The following NCKAP5 variants were observed in gnomAD, a reference collection of about 807,000 sequenced individuals.
NCKAP5 encodes the protein NCK associated protein 5.
In NCKAP5, 92 loss-of-function variants were observed where a neutral mutation model predicts 167.0. That is an observed-to-expected ratio of 0.55 (90% CI 0.47 to 0.66). NCKAP5 has a LOEUF of 0.66. NCKAP5 is among the 30% of genes least tolerant of loss of function. The pLI is 0.00. For missense variants in NCKAP5, 2,378 were observed against 2,315.0 expected (o/e 1.03, Z -0.56); for synonymous variants, 891 against 877.4 (o/e 1.02, Z -0.27).
At chr2:133,555,767 G>A (rs1007972038) in intron 2 of NCKAP5, among the ~76,000 whole-genome samples, 1 of 152,114 alleles carries the variant, frequency 6.6e-6, no homozygotes, top group Admixed American at 6.5e-5. Context: ...AATTACACAA[G>A]CACTCTTAAC....
intron 19 of NCKAP5, among the ~76,000 whole-genome samples, chr2:132,712,970 C>T (rs2566520): frequency 0.64 from 97,126 of 151,956 alleles, 31,177 homozygotes; most frequent in East Asian, 0.86. Context: ...GGTACAGCCA[C>T]ACAATGTAGC....
chr2:133,174,803 G>T (rs2084390869), intron 5 of NCKAP5, among the ~76,000 whole-genome samples: 1 of 151,042 alleles, frequency 6.6e-6, no homozygotes, highest in South Asian at 2.1e-4. Flanking sequence ...TAGAAACCAA[G>T]ATTGGTCTCT....
intron 1 of NCKAP5, among the ~76,000 whole-genome samples, chr2:133,560,430 C>T (rs558032655): frequency 2.8e-4 from 43 of 152,084 alleles, no homozygotes; most frequent in Non-Finnish European, 4.6e-4. Flanking sequence ...TTTAATTATA[C>T]GGGTGATAAG....
At chr2:133,124,781 T>C (rs2082349742) in intron 6 of NCKAP5, among the ~76,000 whole-genome samples, 1 of 152,204 alleles carries the variant, frequency 6.6e-6, no homozygotes. Flanking sequence ...AAACTGGGCC[T>C]GGCATGGTGG....
At chr2:133,503,724 A>G (rs1432284) in intron 3 of NCKAP5, among the ~76,000 whole-genome samples, 30,398 of 152,180 alleles carry the variant, frequency 0.2, 3,615 homozygotes, top group East Asian at 0.42. Flanking sequence ...CTCCTATTAT[A>G]CTAAGACTCA....
rs150860177 is a variant in NCKAP5 at position 132,753,450 on chromosome 2, T to C, written c.5128+20366A>G. ...TATGGAAATGGTCTGAGAACAATTC[T>C]AAATCCATTTCCCAGATGAGGCAAA... On this transcript the variant is annotated intron_variant, in intron 16 of 19. Transcript: ENST00000409261. 5.9e-5 allele frequency among the ~76,000 whole-genome samples: 9 copies of C among 152,320 alleles called. No individual in the cohort carries two copies. In the South Asian group the frequency reaches 1.0e-3, roughly 18 times the overall value.
intron 6 of NCKAP5, among the ~76,000 whole-genome samples, chr2:133,127,600 T>C (rs2082444740): frequency 6.6e-6 from 1 of 152,218 alleles, no homozygotes; most frequent in African/African-American, 2.4e-5. Context: ...CAGCATCATA[T>C]GAATATAATT....
At chr2:133,125,952 T>TA (rs112766179) in intron 6 of NCKAP5, among the ~76,000 whole-genome samples, 1,747 of 148,450 alleles carry the variant, frequency 0.012, 39 homozygotes, top group African/African-American at 0.04. Flanking sequence ...GGTGGTGATA[T>TA]AAAAAAAAAA....
intron 18 of NCKAP5, among the ~76,000 whole-genome samples, chr2:132,726,568 G>GC (rs974502252): frequency 1.3e-5 from 2 of 152,206 alleles, no homozygotes; most frequent in African/African-American, 2.4e-5. Flanking sequence ...TCCTGTTAGA[G>GC]CCTATTATTC....
intron 19 of NCKAP5, among the ~76,000 whole-genome samples, chr2:132,707,887 G>A (rs1215750782): frequency 6.6e-6 from 1 of 152,140 alleles, no homozygotes; most frequent in Non-Finnish European, 1.5e-5. Flanking sequence ...GCAGCAGGCA[G>A]AGTCCTAAGG....
At chr2:133,136,545 T>C (rs1315814971) in intron 5 of NCKAP5, among the ~76,000 whole-genome samples, 2 of 152,198 alleles carry the variant, frequency 1.3e-5, no homozygotes, top group Non-Finnish European at 2.9e-5. Context: ...TGAAGATACA[T>C]GATAATTGAG....
intron 6 of NCKAP5, among the ~76,000 whole-genome samples, chr2:133,110,297 T>C (rs1356965896): frequency 6.6e-6 from 1 of 152,206 alleles, no homozygotes; most frequent in Non-Finnish European, 1.5e-5. Flanking sequence ...GATCCTGGAT[T>C]ATTTCTAAAA....
intron 5 of NCKAP5, among the ~76,000 whole-genome samples, chr2:133,169,313 A>C (rs2084138097): frequency 6.6e-6 from 1 of 152,160 alleles, no homozygotes; most frequent in Non-Finnish European, 1.5e-5. Flanking sequence ...TGCTACAGTA[A>C]ATCTCCCTTC....
At chr2:133,115,625 CTCTT>C (rs1373035990) in intron 6 of NCKAP5, among the ~76,000 whole-genome samples, 1 of 151,608 alleles carries the variant, frequency 6.6e-6, no homozygotes, top group African/African-American at 2.4e-5. Flanking sequence ...CCCATCTTCT[CTCTT>C]TCTATTTAAA....
chr2:133,584,586 C>G, the NCKAP5 span, among the ~76,000 whole-genome samples: 2 of 151,960 alleles, frequency 1.3e-5, no homozygotes, highest in Non-Finnish European at 2.9e-5. Flanking sequence ...CCAACATGGT[C>G]AGACCCATCT....
At chr2:133,645,213 C>T in the NCKAP5 span, among the ~76,000 whole-genome samples, 3 of 152,114 alleles carry the variant, frequency 2.0e-5, no homozygotes, top group East Asian at 5.8e-4. Flanking sequence ...AAAAAGAATA[C>T]AAAATGCTAA....
chr2:133,324,743 G>A (rs993919211), intron 3 of NCKAP5, among the ~76,000 whole-genome samples: 9 of 151,410 alleles, frequency 5.9e-5, no homozygotes, highest in African/African-American at 9.7e-5. Context: ...TTTTTGAGAC[G>A]GAGCCTGGCT....
chr2:132,890,878 T>G (rs1386899130), intron 8 of NCKAP5, among the ~76,000 whole-genome samples: 1 of 152,262 alleles, frequency 6.6e-6, no homozygotes, highest in East Asian at 1.9e-4. Flanking sequence ...CTAGAAAATG[T>G]CAATAAAGAC....
chr2:133,359,073 C>A (rs965279487), intron 3 of NCKAP5, among the ~76,000 whole-genome samples: 1 of 152,126 alleles, frequency 6.6e-6, no homozygotes, highest in African/African-American at 2.4e-5. Flanking sequence ...ATTGTGTAGA[C>A]TTTCTTATAA....
Sources: gnomAD v4.1 joint callset for allele counts (sites outside exome capture counted in the v4.1 genomes callset) on GRCh38, gnomAD v4.1.1 for gene constraint, MANE v1.5 for transcripts, NCBI Gene and HGNC (gene_info 2026-07-23, HGNC 2026-07-21) for gene names.